PCDHGB2: variants seen among roughly 807,000 people sequenced by gnomAD.
PCDHGB2 encodes the protein protocadherin gamma-B2.
PCDHGB2 carries 55 observed loss-of-function variants against 59.3 expected under a neutral mutation model. The ratio of observed to expected loss-of-function variants is 0.93; its 90% CI spans 0.75 to 1.16. PCDHGB2 has a LOEUF of 1.16. PCDHGB2 is among the 50% of genes most tolerant of loss of function. PCDHGB2 has a pLI of 0.00. For synonymous variants in PCDHGB2, 516 were observed against 512.0 expected, an observed-to-expected ratio of 1.01 and a Z score of -0.11; for missense variants, 1,228 against 1,198.5, an observed-to-expected ratio of 1.02 and a Z score of -0.36.
intron 3 of PCDHGB2, among the ~76,000 whole-genome samples, chr5:141,508,855 C>T (rs2099872444): frequency 6.6e-6 from 1 of 152,020 alleles, no homozygotes; most frequent in Non-Finnish European, 1.5e-5. Flanking sequence ...CATTCCCAGG[C>T]TGGGAAAGGC....
At chr5:141,497,665 G>A (rs1011161465) in intron 2 of PCDHGB2, among the ~76,000 whole-genome samples, 3 of 151,348 alleles carry the variant, frequency 2.0e-5, no homozygotes, top group South Asian at 2.1e-4. Flanking sequence ...TCAGCCTCCC[G>A]AGTAGCTGGG....
rs759095332 is a variant in PCDHGB2, at chr5:141,432,306, C to T, written c.2422-62501C>T. 1 of 1,614,250 alleles carries T rather than the reference C, an allele frequency of 6.2e-7. No homozygotes were observed. On this transcript the variant is annotated intron_variant, in intron 1 of 3. Coordinates refer to ENST00000522605, the MANE Select transcript of PCDHGB2 (RefSeq NM_018923.3). This position sits in a 1 kb window ranked among gnomAD's most constrained non-coding sequence, Gnocchi z 6.0. ...AACTCCGACACTGGGGTACTGTATG[C>T]GCTGAGCTCCTTCGACTACGAGCAG...
intron 1 of PCDHGB2, chr5:141,372,478 C>A: frequency 6.2e-7 from 1 of 1,614,070 alleles, no homozygotes. Context: ...CTAGTAGTGG[C>A]GTTGGCCTTG....
chr5:141,510,821 C>G, intron 3 of PCDHGB2, 126 bp from the exon 4 acceptor site: 2 of 1,559,324 alleles, frequency 1.3e-6, no homozygotes, highest in Non-Finnish European at 1.7e-6. Context: ...CCCCTATATT[C>G]CCAGTGCTCA....
chr5:141,428,557 C>T (rs2097147196), intron 1 of PCDHGB2: 2 of 242,520 alleles, frequency 8.2e-6, no homozygotes, highest in Non-Finnish European at 1.6e-5. Context: ...AACAGTCCCC[C>T]CACAAGATCT....
intron 1 of PCDHGB2, chr5:141,375,742 G>A: frequency 6.2e-7 from 1 of 1,614,216 alleles, no homozygotes; most frequent in Non-Finnish European, 8.5e-7. Context: ...TGTTTGTGCT[G>A]GACCAGAATG....
chr5:141,410,342 C>T (rs772070270), intron 1 of PCDHGB2: 12 of 1,613,946 alleles, frequency 7.4e-6, no homozygotes, highest in Non-Finnish European at 9.3e-6. Flanking sequence ...CATTGCCTTG[C>T]GCCTGCGACG....
chr5:141,431,032 C>T lies in PCDHGB2; in HGVS notation c.2422-63775C>T. 1 of 1,614,008 alleles carries T rather than the reference C, an allele frequency of 6.2e-7. No individual in the cohort carries two copies. The highest frequency in any genetic ancestry group is 2.2e-5 in the East Asian group (1 of 44,848). On this transcript the variant is annotated intron_variant, in intron 1 of 3. Transcript: ENST00000522605. This position sits in a 1 kb window ranked among gnomAD's most constrained non-coding sequence, Gnocchi z 4.8. ...GCTTGGTCACGGCGGGCAGGATAGA[C>T]CGGGAGGAGCTCTGTATGGGGGCCA...
At chr5:141,400,791 T>C in intron 1 of PCDHGB2, 1 of 562,286 alleles carries the variant, frequency 1.8e-6, no homozygotes, top group Non-Finnish European at 3.1e-6. Flanking sequence ...TTTGTCCTCT[T>C]TCTCAAAGCT....
chr5:141,369,491 AC>A lies in PCDHGB2; in HGVS notation c.2421+6939del, dbSNP rs569923210. Among the ~76,000 whole-genome samples, 212 of 152,086 alleles carry A rather than the reference AC, an allele frequency of 1.4e-3. 1 individual carries two copies. Among genetic ancestry groups the A allele is most frequent in the African/African-American group, 4.8e-3 (199 of 41,476 alleles). On this transcript the variant is annotated intron_variant, in intron 1 of 3. Coordinates refer to ENST00000522605, the MANE Select transcript of PCDHGB2 (RefSeq NM_018923.3). ...AGCCCAGCCTGGGCAACATAGTGAA[AC>A]CCCACCTCTATAGAAAAAAAAAGTT...
At chr5:141,498,581 C>A (rs1281809549) in intron 2 of PCDHGB2, among the ~76,000 whole-genome samples, 1 of 152,104 alleles carries the variant, frequency 6.6e-6, no homozygotes, top group East Asian at 1.9e-4. Flanking sequence ...GTATTGAGTT[C>A]TTCAGTAAAC....
intron 1 of PCDHGB2, chr5:141,440,759 C>T (rs1160288117): frequency 1.3e-5 from 2 of 152,158 alleles, no homozygotes; most frequent in Admixed American, 6.6e-5. Flanking sequence ...AAGCAGAGCT[C>T]CCATCCCTTA....
At chr5:141,467,596 C>G (rs2099147035) in intron 1 of PCDHGB2, among the ~76,000 whole-genome samples, 1 of 152,202 alleles carries the variant, frequency 6.6e-6, no homozygotes, top group South Asian at 2.1e-4. Context: ...ATTTATTAAG[C>G]ACTTCATCTT....
intron 1 of PCDHGB2, chr5:141,405,210 A>G (rs752645800): frequency 1.2e-6 from 2 of 1,613,994 alleles, no homozygotes; most frequent in South Asian, 1.1e-5. Context: ...CTACAGACCT[A>G]TTCTCAGGAG....
chr5:141,432,528 A>T lies in PCDHGB2; in HGVS notation c.2422-62279A>T. The T allele has an allele frequency of 1.2e-6, 2 of 1,613,804 alleles. No homozygotes were observed. The highest frequency in any genetic ancestry group is 1.7e-6 in the Non-Finnish European group (2 of 1,180,000). ...GCAGAGCCCGGCTACCTGGTGACCA[A>T]GGTGGTGGCGGTGGACAGAGACTCC... is the stretch of plus-strand genomic sequence containing the variant. On this transcript the variant is annotated intron_variant, in intron 1 of 3. Transcript: ENST00000522605. This position sits in a 1 kb window ranked among gnomAD's most constrained non-coding sequence, Gnocchi z 6.0.
At chr5:141,421,352 A>T in intron 1 of PCDHGB2, 1 of 1,613,946 alleles carries the variant, frequency 6.2e-7, no homozygotes, top group Non-Finnish European at 8.5e-7. Context: ...GAGACCGAAA[A>T]GGGCTCCTTC....
At chr5:141,398,356 G>A (rs1242233046) in intron 1 of PCDHGB2, 2 of 1,409,378 alleles carry the variant, frequency 1.4e-6, no homozygotes, top group South Asian at 1.2e-5. Context: ...TTACTTCACC[G>A]TGAGCGCAGA....
chr5:141,421,425 C>T, intron 1 of PCDHGB2: 1 of 1,614,100 alleles, frequency 6.2e-7, no homozygotes, highest in Non-Finnish European at 8.5e-7. Context: ...GCGGAGTCCG[C>T]ATCGTCTCCA....
chr5:141,415,404 C>T, intron 1 of PCDHGB2: 1 of 1,614,238 alleles, frequency 6.2e-7, no homozygotes, highest in Non-Finnish European at 8.5e-7. Context: ...CCGGCTCGCA[C>T]TTTGTGGGCG....
Sources: allele counts gnomAD v4.1 joint callset (sites outside exome capture counted in the v4.1 genomes callset), GRCh38; gene constraint gnomAD v4.1.1; non-coding constraint Gnocchi (gnomAD v3.1); transcripts MANE v1.5; gene names NCBI Gene and HGNC (gene_info 2026-07-23, HGNC 2026-07-21).